The following COX15 variants were observed in gnomAD, a reference collection of about 807,000 sequenced individuals.
The protein encoded by COX15 is cytochrome c oxidase assembly factor COX15.
A neutral mutation model predicts 51.9 loss-of-function variants in COX15; 51 were observed. That is an observed-to-expected ratio of 0.98 (90% CI 0.78 to 1.24). COX15 has a LOEUF of 1.24. Among genes scored for constraint, COX15 ranks in the 50% most tolerant of loss-of-function variants. The pLI is 0.00. For missense variants in COX15, 420 were observed against 501.1 expected (o/e 0.84, Z 1.55); for synonymous variants, 188 against 190.5 (o/e 0.99, Z 0.11).
Position 99,712,785 on chromosome 10 carries a change from T to G in COX15, c.*1802A>C. 3.1e-6 allele frequency: 1 copy of G among 326,594 alleles called. No homozygotes were observed. Among genetic ancestry groups the G allele is most frequent in the Non-Finnish European group, 4.4e-6 (1 of 226,886 alleles). 20.2% of individuals were successfully genotyped at this position (326,594 alleles called of 1,614,324 possible). On this transcript the variant is annotated 3_prime_UTR_variant, in exon 9 of 9. Coordinates refer to ENST00000016171, the MANE Select transcript of COX15 (RefSeq NM_078470.6). Reference sequence around the variant, plus strand: ...TGACCCCAGTGAGCATTTGATTTGGTCTACCCTACTCTTGCCTTCTACAGA... The same window carrying G: ...TGACCCCAGTGAGCATTTGATTTGGGCTACCCTACTCTTGCCTTCTACAGA...
At chr10:99,729,213 G>C (rs938117919) in intron 2 of COX15, among the ~76,000 whole-genome samples, 5 of 152,124 alleles carry the variant, frequency 3.3e-5, no homozygotes, top group African/African-American at 9.7e-5. Context: ...TGTAATCCTG[G>C]CACTTTGGGA....
chr10:99,718,540 A>C (rs368620337), intron 6 of COX15, 40 bp from the exon 7 acceptor site: 24 of 1,606,288 alleles, frequency 1.5e-5, no homozygotes, highest in Non-Finnish European at 2.0e-5. Flanking sequence ...AAATGAGAGG[A>C]AGAAGAGACC....
At chr10:99,695,317 G>A in the COX15 span, among the ~76,000 whole-genome samples, 5 of 152,104 alleles carry the variant, frequency 3.3e-5, no homozygotes, top group African/African-American at 4.8e-5. Context: ...GAGGTCAAGA[G>A]ATCGAGAACA....
chr10:99,704,782 T>C, the COX15 span: 1 of 1,079,620 alleles, frequency 9.3e-7, no homozygotes, highest in Admixed American at 2.4e-5. Context: ...ATGTCTGACC[T>C]TGTGGATATT....
the COX15 span, among the ~76,000 whole-genome samples, chr10:99,703,928 G>C: frequency 0.032 from 4,850 of 152,130 alleles, 237 homozygotes; most frequent in African/African-American, 0.11. Context: ...GTCTTGTTAT[G>C]TTGACCAGGC....
At chr10:99,727,712 G>T in intron 2 of COX15, 149 bp from the exon 3 acceptor site, 1 of 1,008,926 alleles carries the variant, frequency 9.9e-7, no homozygotes, top group Non-Finnish European at 1.5e-6. Flanking sequence ...CTCTGTTACT[G>T]CTTGGAATTT....
chr10:99,718,909 A>G (rs755719478), intron 6 of COX15, among the ~76,000 whole-genome samples: 11 of 152,048 alleles, frequency 7.2e-5, no homozygotes, highest in Non-Finnish European at 1.2e-4. Flanking sequence ...CTCAGCTTCC[A>G]CTCAGATGTC....
intron 8 of COX15, among the ~76,000 whole-genome samples, chr10:99,716,009 ACAG>A (rs1323051184): frequency 5.3e-5 from 6 of 112,260 alleles, no homozygotes; most frequent in African/African-American, 1.0e-4. Context: ...TTTTTTTTAA[ACAG>A]ACAGGGTCTC....
intron 2 of COX15, among the ~76,000 whole-genome samples, chr10:99,728,203 T>C (rs1441347892): frequency 2.0e-5 from 3 of 152,164 alleles, no homozygotes; most frequent in Non-Finnish European, 1.5e-5. Flanking sequence ...GTAAGGAAAC[T>C]ATCAAAGGTA....
chr10:99,727,627 A>G, intron 2 of COX15, 64 bp from the exon 3 acceptor site: 1 of 1,562,860 alleles, frequency 6.4e-7, no homozygotes, highest in Non-Finnish European at 8.8e-7. Flanking sequence ...AAAGGTTTAT[A>G]GCAACAAGTG....
intron 5 of COX15, chr10:99,723,135 A>G: frequency 6.6e-6 from 1 of 152,598 alleles, no homozygotes; most frequent in Non-Finnish European, 1.5e-5. Flanking sequence ...TCAATACCTA[A>G]TATAAGACTC....
chr10:99,710,609 G>C (rs1330319798), downstream of COX15: 1 of 985,276 alleles, frequency 1.0e-6, no homozygotes, highest in Non-Finnish European at 1.2e-6. Flanking sequence ...AGGAAAATGT[G>C]TGATGCATGT....
In COX15 at chr10:99,711,958, GA is replaced by G; in HGVS notation, c.*2628del. ...CCTCACGAAGCTTACAATCATGGCA[GA>G]AGGTGAAGGGGAGCCAGTGTGTCAC... On this transcript the variant is annotated 3_prime_UTR_variant, in exon 9 of 9. Coordinates refer to ENST00000016171, the MANE Select transcript of COX15 (RefSeq NM_078470.6). 1 of 427,690 alleles carries G rather than the reference GA, an allele frequency of 2.3e-6. No individual in the cohort carries two copies. The highest frequency in any genetic ancestry group is 3.1e-6 in the Non-Finnish European group (1 of 320,008). The allele number at this position is 427,690 out of a possible 1,614,324, so 26.5% of individuals were successfully genotyped here.
rs780518170 is a variant in COX15 at position 99,726,976 on chromosome 10, A to G, written c.574T>C (p.Cys192Arg). Residue 192 changes from cysteine (C) to arginine (R), a missense_variant, in exon 4 of 9, where the codon TGC becomes CGC. Transcript: ENST00000016171. ...GRVLALCGLV[C>R]FQGLLGWYMV... ...CCTTGAATAAATCTTACCTGGAAGCAGACGAGGCCACAGAGGGCAAGAACA... is the reference window on the plus strand; with the variant it reads ...CCTTGAATAAATCTTACCTGGAAGCGGACGAGGCCACAGAGGGCAAGAACA... 5 of 1,613,668 alleles carry G rather than the reference A, an allele frequency of 3.1e-6. No individual in the cohort carries two copies. Among genetic ancestry groups the G allele is most frequent in the Non-Finnish European group, 4.2e-6 (5 of 1,179,966 alleles).
the COX15 span, chr10:99,700,913 G>T: frequency 1.5e-6 from 2 of 1,350,228 alleles, no homozygotes; most frequent in African/African-American, 2.9e-5. Context: ...TGTGACTGTG[G>T]GGAAGGTAGA....
rs1349359181 is a variant in COX15, at chr10:99,713,428, T to C, written c.*1159A>G. The C allele has an allele frequency of 1.9e-6, 3 of 1,613,894 alleles. No homozygotes were observed. Among genetic ancestry groups the C allele is most frequent in the Non-Finnish European group, 2.5e-6 (3 of 1,180,012 alleles). ...CCATCCTCAAATCAGATGTTTCTGA[T>C]GCCTTCATCCAAATCACTGATTTTA... On this transcript the variant is annotated 3_prime_UTR_variant, in exon 9 of 9. Coordinates refer to ENST00000016171, the MANE Select transcript of COX15 (RefSeq NM_078470.6).
intron 6 of COX15, among the ~76,000 whole-genome samples, chr10:99,719,090 G>GA (rs2133587661): frequency 6.6e-6 from 1 of 152,238 alleles, no homozygotes; most frequent in South Asian, 2.1e-4. Flanking sequence ...ACGGAAGTGA[G>GA]AAAAATCCCA....
chr10:99,714,374 A>G lies in COX15; in HGVS notation c.*213T>C, dbSNP rs1417850369. ...ACATTAAAACTGATTTTCAACATGA[A>G]AAGCAGATTTAAAAGGGAACATTTA... On this transcript the variant is annotated 3_prime_UTR_variant, in exon 9 of 9. Transcript: ENST00000016171. The G allele has an allele frequency of 3.6e-6, 5 of 1,372,038 alleles. No individual in the cohort carries two copies. The highest frequency in any genetic ancestry group is 4.7e-6 in the Non-Finnish European group (5 of 1,060,990). 85.0% of individuals were successfully genotyped at this position (1,372,038 alleles called of 1,614,324 possible). A position where few individuals can be genotyped will look rare whatever the true frequency, so the allele number is the denominator to read the frequency against.
chr10:99,708,661 C>A (rs1300332119), downstream of COX15: 1 of 253,876 alleles, frequency 3.9e-6, no homozygotes, highest in Non-Finnish European at 6.2e-6. Context: ...TATCCATAAC[C>A]CCTGATGATA....
Sources: allele counts gnomAD v4.1 joint callset (sites outside exome capture counted in the v4.1 genomes callset), GRCh38; gene constraint gnomAD v4.1.1; transcripts MANE v1.5; gene names NCBI Gene and HGNC (gene_info 2026-07-23, HGNC 2026-07-21).